Variants in GADL1 observed in about 807,000 individuals in gnomAD.
The protein encoded by GADL1 is acidic amino acid decarboxylase GADL1.
Under a neutral mutation model 69.5 loss-of-function variants are expected in GADL1, and 71 were observed. The observed-to-expected ratio is 1.02, with a 90% CI of 0.84 to 1.25. The LOEUF is 1.25. GADL1 is among the 50% of genes most tolerant of loss of function. GADL1 has a pLI of 0.00. For missense variants in GADL1, 737 were observed against 631.8 expected (o/e 1.17, Z -1.79); for synonymous variants, 254 against 214.4 (o/e 1.18, Z -1.62).
intron 14 of GADL1, among the ~76,000 whole-genome samples, chr3:30,756,716 T>C (rs1214859416): frequency 6.6e-6 from 1 of 152,176 alleles, no homozygotes; most frequent in Non-Finnish European, 1.5e-5. Flanking sequence ...AGAGTTTAGT[T>C]GTCCCAGATG....
At chr3:30,812,865 G>C (rs115488204) in intron 11 of GADL1, among the ~76,000 whole-genome samples, 1 of 152,048 alleles carries the variant, frequency 6.6e-6, no homozygotes, top group Non-Finnish European at 1.5e-5. Flanking sequence ...ATTGGGAGGA[G>C]GACAGGAGGA....
At chr3:30,845,521 A>G (rs976425811) in intron 6 of GADL1, among the ~76,000 whole-genome samples, 5 of 152,270 alleles carry the variant, frequency 3.3e-5, no homozygotes, top group Admixed American at 2.6e-4. Context: ...TCCTTTTGTC[A>G]GGAGAGTTTT....
At position 30,868,877 on chromosome 3, in the gene GADL1, T is replaced by G. The variant is rs147217020; in HGVS notation, c.38-7112A>C. 1.1e-3 allele frequency among the ~76,000 whole-genome samples: 173 copies of G among 151,940 alleles called. No individual in the cohort carries two copies. In the East Asian group the frequency reaches 0.026, roughly 23 times the overall value. ...AATGAATCAAAAGTGAATCCAGACA[T>G]CTGGTTGGGGGAGGCCAAGGAGCTC... On this transcript the variant is annotated intron_variant, in intron 1 of 14. Coordinates refer to ENST00000282538, the MANE Select transcript of GADL1 (RefSeq NM_207359.3).
intron 8 of GADL1, among the ~76,000 whole-genome samples, chr3:30,841,311 A>C (rs1052476983): frequency 6.6e-6 from 1 of 152,206 alleles, no homozygotes; most frequent in African/African-American, 2.4e-5. Context: ...ATGTGCCTAA[A>C]GCAATTTTTA....
chr3:30,839,547 C>T (rs998627305), intron 8 of GADL1, among the ~76,000 whole-genome samples: 9 of 127,562 alleles, frequency 7.1e-5, no homozygotes, highest in African/African-American at 2.0e-4. Context: ...ACAGAGCTCC[C>T]GGAGTAAACC....
intron 14 of GADL1, among the ~76,000 whole-genome samples, chr3:30,730,572 A>G (rs567331285): frequency 2.0e-5 from 3 of 152,296 alleles, no homozygotes; most frequent in Non-Finnish European, 4.4e-5. Flanking sequence ...TCAGACCTCT[A>G]CTTAAGAAAA....
chr3:30,733,586 C>CCTTCCTTCCT (rs1213948085), intron 14 of GADL1, among the ~76,000 whole-genome samples: 3 of 133,504 alleles, frequency 2.2e-5, no homozygotes, highest in African/African-American at 8.4e-5. Context: ...TTTTCCTTTT[C>CCTTCCTTCCT]TCCTTCCTTC....
At chr3:30,872,904 A>G (rs1186466674) in intron 1 of GADL1, among the ~76,000 whole-genome samples, 1 of 151,820 alleles carries the variant, frequency 6.6e-6, no homozygotes, top group Non-Finnish European at 1.5e-5. Context: ...TACTAAGTAT[A>G]CTCTCTTGAC....
At chr3:30,809,718 T>G (rs1443199326) in intron 11 of GADL1, among the ~76,000 whole-genome samples, 1 of 152,146 alleles carries the variant, frequency 6.6e-6, no homozygotes, top group South Asian at 2.1e-4. Flanking sequence ...AGTTTAGAGG[T>G]GGGATTGTAG....
chr3:30,756,426 A>G (rs2125481942), intron 14 of GADL1, among the ~76,000 whole-genome samples: 1 of 152,288 alleles, frequency 6.6e-6, no homozygotes, highest in South Asian at 2.1e-4. Flanking sequence ...TTTGTGGTAG[A>G]ATGACTGCAA....
intron 2 of GADL1, among the ~76,000 whole-genome samples, chr3:30,858,851 C>T (rs1027993584): frequency 6.6e-5 from 10 of 151,942 alleles, no homozygotes; most frequent in Non-Finnish European, 1.5e-5. Context: ...GCATCACCAA[C>T]ACTTATGAAT....
At chr3:30,812,693 A>C (rs1697380752) in intron 11 of GADL1, among the ~76,000 whole-genome samples, 1 of 152,156 alleles carries the variant, frequency 6.6e-6, no homozygotes, top group South Asian at 2.1e-4. Context: ...TTGTGTTCAG[A>C]AGCTAGTATC....
At chr3:30,775,845 C>A (rs905135962) in intron 14 of GADL1, among the ~76,000 whole-genome samples, 3 of 152,020 alleles carry the variant, frequency 2.0e-5, no homozygotes, top group African/African-American at 7.2e-5. Flanking sequence ...GCCTGTAATC[C>A]CAACAATTTG....
chr3:30,888,326 C>T (rs987316172), intron 1 of GADL1, among the ~76,000 whole-genome samples: 6 of 152,060 alleles, frequency 3.9e-5, no homozygotes, highest in East Asian at 3.9e-4. Context: ...GTGGTGGTTA[C>T]GAGTGTACAA....
Position 30,774,561 on chromosome 3 carries a change from T to A in GADL1, c.1392+3618A>T, listed in dbSNP as rs147055720. Among the ~76,000 whole-genome samples the A allele has an allele frequency of 3.1e-3, 467 of 150,764 alleles. 5 individuals are homozygous for A. Among genetic ancestry groups the A allele is most frequent in the African/African-American group, 0.011 (444 of 40,186 alleles). On this transcript the variant is annotated intron_variant, in intron 14 of 14. Coordinates refer to ENST00000282538, the MANE Select transcript of GADL1 (RefSeq NM_207359.3). ...CATTCATAGACTACATTCACTGTGT[T>A]TCTAAGAGTATATGCAAGAATCTTA... is the stretch of plus-strand genomic sequence containing the variant.
chr3:30,862,059 C>A (rs941186994), intron 1 of GADL1, among the ~76,000 whole-genome samples: 2 of 151,850 alleles, frequency 1.3e-5, no homozygotes, highest in Admixed American at 1.3e-4. Flanking sequence ...TAATTCAGTG[C>A]AATTTCAGGT....
At chr3:30,756,997 T>G (rs1340096440) in intron 14 of GADL1, among the ~76,000 whole-genome samples, 1 of 152,096 alleles carries the variant, frequency 6.6e-6, no homozygotes, top group Admixed American at 6.5e-5. Flanking sequence ...GTGTGGGTCT[T>G]GAGAATCAAT....
At chr3:30,762,496 A>T (rs795438) in intron 14 of GADL1, among the ~76,000 whole-genome samples, 65,912 of 151,954 alleles carry the variant, frequency 0.43, 14,316 homozygotes, top group Admixed American at 0.45. Flanking sequence ...TTTTGTGGGC[A>T]CCATAGTAGG....
chr3:30,746,113 C>A (rs575008833), intron 14 of GADL1, among the ~76,000 whole-genome samples: 2 of 152,060 alleles, frequency 1.3e-5, no homozygotes, highest in South Asian at 2.1e-4. Context: ...CTCAGCCTCC[C>A]GAGTAGCTGG....
Sources: allele counts gnomAD v4.1 joint callset (sites outside exome capture counted in the v4.1 genomes callset), GRCh38; gene constraint gnomAD v4.1.1; transcripts MANE v1.5; gene names NCBI Gene and HGNC (gene_info 2026-07-23, HGNC 2026-07-21).